Variants in RARB observed in about 807,000 individuals in gnomAD.
RARB encodes retinoic acid receptor beta.
RARB carries 17 observed loss-of-function variants against 51.9 expected under a neutral mutation model. That is an observed-to-expected ratio of 0.33 (90% confidence interval 0.22 to 0.49). The LOEUF (loss-of-function observed/expected upper bound fraction) is 0.49. RARB is among the 20% of genes least tolerant of loss of function. RARB has a pLI of 0.99. For missense variants in RARB, 369 were observed against 550.8 expected, an observed-to-expected ratio of 0.67 and a Z score of 3.30; for synonymous variants, 215 against 195.4, an observed-to-expected ratio of 1.10 and a Z score of -0.84.
At chr3:25,285,948 A>G (rs1165337169) in intron 5 of RARB, among the ~76,000 whole-genome samples, 1 of 152,146 alleles carries the variant, frequency 6.6e-6, no homozygotes, top group Non-Finnish European at 1.5e-5. Flanking sequence ...ACATAAACAC[A>G]AACTCAAAAA....
At chr3:25,310,104 G>A (rs1704253053) in intron 5 of RARB, among the ~76,000 whole-genome samples, 2 of 152,294 alleles carry the variant, frequency 1.3e-5, no homozygotes, top group South Asian at 4.1e-4. Flanking sequence ...GATGTGTGTA[G>A]CTTCCAGGCC....
At chr3:25,286,482 T>C (rs1276471240) in intron 5 of RARB, among the ~76,000 whole-genome samples, 1 of 152,170 alleles carries the variant, frequency 6.6e-6, no homozygotes, top group Non-Finnish European at 1.5e-5. Context: ...CCCTCTGATG[T>C]TTCTCCTCCT....
intron 2 of RARB, among the ~76,000 whole-genome samples, chr3:25,484,220 G>A (rs1312441764): frequency 6.6e-6 from 1 of 152,168 alleles, no homozygotes; most frequent in East Asian, 1.9e-4. Flanking sequence ...TTATGAGAAA[G>A]GGCGAGGAGG....
chr3:24,955,472 C>G (rs976356574), intron 2 of RARB, among the ~76,000 whole-genome samples: 2 of 152,144 alleles, frequency 1.3e-5, no homozygotes, highest in African/African-American at 4.8e-5. Context: ...GGGCCTTTGC[C>G]AGGGAACCAC....
At chr3:25,402,521 T>C (rs1707291390) in intron 5 of RARB, among the ~76,000 whole-genome samples, 1 of 152,226 alleles carries the variant, frequency 6.6e-6, no homozygotes, top group Non-Finnish European at 1.5e-5. Context: ...TGTCCAGTGC[T>C]GTTTACAATA....
intron 2 of RARB, 45 bp from the exon 3 acceptor site, chr3:25,501,137 C>G: frequency 6.5e-7 from 1 of 1,530,756 alleles, no homozygotes; most frequent in Non-Finnish European, 8.7e-7. Context: ...TCTGATGAAG[C>G]TCATTTGCTT....
chr3:25,158,564 T>G (rs987427774), intron 4 of RARB, among the ~76,000 whole-genome samples: 2 of 152,156 alleles, frequency 1.3e-5, no homozygotes, highest in Admixed American at 6.5e-5. Flanking sequence ...TAAGATATAT[T>G]TGCTTTAAAA....
chr3:25,341,548 A>G (rs76831059), intron 5 of RARB, among the ~76,000 whole-genome samples: 2,828 of 152,220 alleles, frequency 0.019, 85 homozygotes, highest in African/African-American at 0.061. Context: ...TGAAAGATGG[A>G]CAGGAATTGA....
At chr3:25,135,016 T>C (rs1700010912) in intron 4 of RARB, among the ~76,000 whole-genome samples, 1 of 151,644 alleles carries the variant, frequency 6.6e-6, no homozygotes, top group Non-Finnish European at 1.5e-5. Flanking sequence ...AAAGGAATAA[T>C]AAAGGTCCTT....
At chr3:25,106,451 G>GGTTTTTTTTTTTTTTTTTT (rs1575163102) in intron 3 of RARB, among the ~76,000 whole-genome samples, 11 of 70,546 alleles carry the variant, frequency 1.6e-4, no homozygotes, top group African/African-American at 4.9e-4. Context: ...ACTGTTTTTT[G>GGTTTTTTTTTTTTTTTTTT]TTTTTTGTTT....
At chr3:24,915,963 G>C (rs1465837964) in intron 2 of RARB, among the ~76,000 whole-genome samples, 1 of 152,124 alleles carries the variant, frequency 6.6e-6, no homozygotes, top group Non-Finnish European at 1.5e-5. Context: ...GGGAGAGAGA[G>C]GCACCTACAT....
At chr3:24,928,349 C>A (rs146083805) in intron 2 of RARB, among the ~76,000 whole-genome samples, 2 of 151,962 alleles carry the variant, frequency 1.3e-5, no homozygotes, top group Non-Finnish European at 1.5e-5. Flanking sequence ...TTCATACTTA[C>A]ATTAAAATAT....
At chr3:25,320,560 T>C (rs1285919410) in intron 5 of RARB, among the ~76,000 whole-genome samples, 1 of 152,214 alleles carries the variant, frequency 6.6e-6, no homozygotes. Context: ...CTTCTGCCAT[T>C]TTCTTGCATT....
At chr3:25,113,699 C>T (rs1356960876) in intron 3 of RARB, among the ~76,000 whole-genome samples, 1 of 152,110 alleles carries the variant, frequency 6.6e-6, no homozygotes, top group African/African-American at 2.4e-5. Context: ...TCCTGACCTC[C>T]TGCTGGGATA....
chr3:24,928,265 G>A (rs1177064682), intron 2 of RARB, among the ~76,000 whole-genome samples: 1 of 151,916 alleles, frequency 6.6e-6, no homozygotes, highest in Admixed American at 6.6e-5. Context: ...TCTGGTCTTG[G>A]TGGACTGGAT....
intron 2 of RARB, among the ~76,000 whole-genome samples, chr3:24,959,342 A>G (rs1011709761): frequency 2.0e-5 from 3 of 152,158 alleles, no homozygotes; most frequent in African/African-American, 7.2e-5. Flanking sequence ...CTCAGTGGGA[A>G]GGGGAGCTGG....
intron 2 of RARB, among the ~76,000 whole-genome samples, chr3:24,937,850 C>A (rs1348780428): frequency 6.6e-6 from 1 of 152,074 alleles, no homozygotes; most frequent in Non-Finnish European, 1.5e-5. Context: ...AATCCCAAAT[C>A]TAGATTTTTT....
chr3:25,413,717 T>C (rs1707627531), intron 5 of RARB, among the ~76,000 whole-genome samples: 1 of 152,180 alleles, frequency 6.6e-6, no homozygotes, highest in Non-Finnish European at 1.5e-5. Flanking sequence ...TGCTATTGCA[T>C]TGTGGTCTTA....
At chr3:25,339,513 C>G (rs558594293) in intron 5 of RARB, among the ~76,000 whole-genome samples, 1 of 151,992 alleles carries the variant, frequency 6.6e-6, no homozygotes, top group Non-Finnish European at 1.5e-5. Flanking sequence ...TACTCTGACT[C>G]AGGAGGCTGC....
Sources: allele counts gnomAD v4.1 joint callset (sites outside exome capture counted in the v4.1 genomes callset), GRCh38; gene constraint gnomAD v4.1.1; transcripts MANE v1.5; gene names NCBI Gene and HGNC (gene_info 2026-07-23, HGNC 2026-07-21).